Variants in SLC5A8 observed in about 807,000 individuals in gnomAD.
The protein encoded by SLC5A8 is solute carrier family 5 member 8.
Under a neutral mutation model 71.9 loss-of-function variants are expected in SLC5A8, and 55 were observed. The observed-to-expected ratio is 0.77, with a 90% CI of 0.62 to 0.96. The LOEUF (loss-of-function observed/expected upper bound fraction) is 0.96, where lower values mean the gene tolerates loss of function less well. SLC5A8 is among the 40% of genes least tolerant of loss of function. The pLI is 0.00. For missense variants in SLC5A8, 701 were observed against 745.3 expected (o/e 0.94, Z 0.69); for synonymous variants, 307 against 276.1 (o/e 1.11, Z -1.11).
At chr12:101,162,324 T>C (rs1478596948) in intron 12 of SLC5A8, among the ~76,000 whole-genome samples, 1 of 152,192 alleles carries the variant, frequency 6.6e-6, no homozygotes, top group Non-Finnish European at 1.5e-5. Context: ...CAGGCACTGC[T>C]CTTGTGATTG....
intron 6 of SLC5A8, 103 bp downstream of exon 6, chr12:101,190,365 A>G (rs1868840113): frequency 7.9e-7 from 1 of 1,265,626 alleles, no homozygotes; most frequent in Non-Finnish European, 1.1e-6. Context: ...TTGGAATTTC[A>G]TGACACAAAA....
rs1468823060 is a variant in SLC5A8, at chr12:101,204,520, C to T, written c.397G>A (p.Val133Ile). 2 of 1,598,262 alleles carry T rather than the reference C, an allele frequency of 1.3e-6. No homozygotes were observed. Among genetic ancestry groups the T allele is most frequent in the Admixed American group, 3.5e-5 (2 of 56,390 alleles). ...FNKCVRLCGT[V>I]LFIVQTILYT... ...CTTACTGTTTGAACAATGAAGAGGA[C>T]TGTTCCACAGAGACGAACACATTTG... Residue 133 changes from valine (V) to isoleucine (I), a missense_variant, in exon 2 of 15, where the codon GTC becomes ATC. By Grantham distance (29) the Val-to-Ile change is conservative. Transcript: ENST00000536262.
intron 5 of SLC5A8, 28 bp downstream of exon 5, chr12:101,193,597 T>C (rs1869020525): frequency 6.3e-7 from 1 of 1,591,394 alleles, no homozygotes; most frequent in Non-Finnish European, 8.5e-7. Flanking sequence ...AAAAGATGTG[T>C]TCAGTTACCC....
intron 4 of SLC5A8, among the ~76,000 whole-genome samples, chr12:101,194,336 G>C (rs1869064993): frequency 6.6e-6 from 1 of 152,184 alleles, no homozygotes. Flanking sequence ...AAAGGGTTAA[G>C]ACATAGAGTG....
intron 9 of SLC5A8, among the ~76,000 whole-genome samples, chr12:101,181,192 T>G (rs1051437676): frequency 6.6e-6 from 1 of 152,206 alleles, no homozygotes; most frequent in Non-Finnish European, 1.5e-5. Context: ...AAATAATGCA[T>G]CTGAATGAAA....
chr12:101,182,042 C>T (rs548601196), intron 9 of SLC5A8, among the ~76,000 whole-genome samples: 17 of 152,300 alleles, frequency 1.1e-4, no homozygotes, highest in African/African-American at 2.6e-4. Flanking sequence ...GAATGCAGTA[C>T]ATTGGCAAGA....
intron 10 of SLC5A8, among the ~76,000 whole-genome samples, chr12:101,169,324 A>G (rs1173475520): frequency 6.6e-6 from 1 of 152,226 alleles, no homozygotes; most frequent in African/African-American, 2.4e-5. Context: ...AGAACATGTC[A>G]TTGTATATAA....
intron 4 of SLC5A8, 21 bp from the exon 5 acceptor site, chr12:101,193,800 A>T (rs1011499786): frequency 1.3e-5 from 21 of 1,612,106 alleles, no homozygotes; most frequent in Non-Finnish European, 1.8e-5. Context: ...AAAGTATATT[A>T]GGATTAATGC....
At chr12:101,204,288 A>G (rs1479414484) in intron 2 of SLC5A8, among the ~76,000 whole-genome samples, 1 of 152,224 alleles carries the variant, frequency 6.6e-6, no homozygotes, top group Non-Finnish European at 1.5e-5. Context: ...ACATTCACTT[A>G]AATCCCAGGA....
intron 10 of SLC5A8, among the ~76,000 whole-genome samples, chr12:101,168,744 G>A (rs1265958501): frequency 6.6e-6 from 1 of 152,200 alleles, no homozygotes; most frequent in Non-Finnish European, 1.5e-5. Context: ...TTGATGTAGA[G>A]ATATCAAATC....
chr12:101,179,978 G>GA (rs2051916544), intron 10 of SLC5A8, 51 bp downstream of exon 10: 1 of 1,592,486 alleles, frequency 6.3e-7, no homozygotes, highest in African/African-American at 1.3e-5. Flanking sequence ...CATCAACATT[G>GA]AAAAAAGATT....
intron 5 of SLC5A8, 46 bp from the exon 6 acceptor site, chr12:101,190,654 C>A (rs1415001554): frequency 1.3e-6 from 2 of 1,524,750 alleles, no homozygotes; most frequent in Middle Eastern, 1.7e-4. Flanking sequence ...TTAGCAGAGA[C>A]TAAAAAAAAT....
At chr12:101,177,383 T>C (rs1555314566) in intron 10 of SLC5A8, among the ~76,000 whole-genome samples, 2 of 151,278 alleles carry the variant, frequency 1.3e-5, no homozygotes, top group Non-Finnish European at 2.9e-5. Context: ...GAAAACAGAA[T>C]CCTTCCCAAT....
chr12:101,173,929 T>C (rs2051855350), intron 10 of SLC5A8, among the ~76,000 whole-genome samples: 2 of 152,168 alleles, frequency 1.3e-5, no homozygotes, highest in Non-Finnish European at 1.5e-5. Flanking sequence ...CTCTGCTTCC[T>C]CCTCCTTAGA....
chr12:101,188,534 C>T (rs568482280), intron 6 of SLC5A8, among the ~76,000 whole-genome samples: 19 of 152,274 alleles, frequency 1.2e-4, no homozygotes, highest in African/African-American at 4.3e-4. Context: ...CTCACCCTAA[C>T]ATGGGACTAG....
intron 9 of SLC5A8, among the ~76,000 whole-genome samples, chr12:101,181,157 C>A (rs1267793267): frequency 6.6e-6 from 1 of 152,130 alleles, no homozygotes; most frequent in African/African-American, 2.4e-5. Context: ...TTTTAGCATT[C>A]ATACCTTTGT....
chr12:101,190,687 C>A, intron 5 of SLC5A8, 79 bp from the exon 6 acceptor site: 1 of 1,319,862 alleles, frequency 7.6e-7, no homozygotes, highest in Non-Finnish European at 1.0e-6. Context: ...TATTTGGAAG[C>A]AAGCAATGCA....
intron 7 of SLC5A8, among the ~76,000 whole-genome samples, chr12:101,184,557 T>C (rs1868538907): frequency 6.6e-6 from 1 of 152,200 alleles, no homozygotes; most frequent in Non-Finnish European, 1.5e-5. Flanking sequence ...GTAAAACTCA[T>C]AGTATAGTAT....
chr12:101,190,749 T>TA (rs1868871306), intron 5 of SLC5A8, 141 bp from the exon 6 acceptor site: 1 of 616,260 alleles, frequency 1.6e-6, no homozygotes. Context: ...TTAATTAATT[T>TA]AAAAGGTAGA....
Sources: allele counts gnomAD v4.1 joint callset (sites outside exome capture counted in the v4.1 genomes callset), GRCh38; gene constraint gnomAD v4.1.1; transcripts MANE v1.5; gene names NCBI Gene and HGNC (gene_info 2026-07-23, HGNC 2026-07-21).